XPC: variants seen among roughly 807,000 people sequenced by gnomAD.
The protein encoded by XPC is DNA repair protein complementing XP-C cells.
In XPC, 76 loss-of-function variants were observed where a neutral mutation model predicts 95.8. That is an observed-to-expected ratio of 0.79 (90% CI 0.66 to 0.96). The LOEUF (loss-of-function observed/expected upper bound fraction) is 0.96. XPC is among the 40% of genes least tolerant of loss of function. The probability of loss-of-function intolerance (pLI) is 0.00; values close to 1 mark genes in which losing one functional copy is unlikely to be tolerated. For synonymous variants in XPC, 442 were observed against 442.1 expected, an observed-to-expected ratio of 1.00 and a Z score of 0.00; for missense variants, 1,146 against 1,179.8, an observed-to-expected ratio of 0.97 and a Z score of 0.42.
intron 1 of XPC, among the ~76,000 whole-genome samples, chr3:14,173,557 AAACCTTTCCAATGT>A (rs1161792148): frequency 3.3e-5 from 5 of 152,210 alleles, no homozygotes; most frequent in African/African-American, 1.2e-4. Context: ...TACTGCTCTG[AAACCTTTCCAATGT>A]AACCCAAATG....
In XPC at chr3:14,158,651, TTCTCCTGCTTG is replaced by T. The variant is rs752463363; in HGVS notation, c.1221_1231del (p.Asp407GlufsTer21). ...GCCATGCGGACGTCGCTGGGTTGCC[TTCTCCTGCTTG>T]TCTCCTGGGCCCTCATCTTCCTCGC... On this transcript the variant is annotated frameshift_variant, in exon 9 of 16. Transcript: ENST00000285021. LOFTEE classifies it high-confidence loss of function. The surrounding 1 kb of genome is among the most constrained non-coding windows in gnomAD (Gnocchi z 5.2). 2.5e-6 allele frequency: 4 copies of T among 1,613,874 alleles called. No homozygotes were observed. Among genetic ancestry groups the T allele is most frequent in the Non-Finnish European group, 2.5e-6 (3 of 1,179,858 alleles).
At chr3:14,176,091 C>T (rs931638127) in intron 1 of XPC, among the ~76,000 whole-genome samples, 2 of 152,222 alleles carry the variant, frequency 1.3e-5, no homozygotes, top group East Asian at 1.9e-4. Context: ...GCAGTTATTA[C>T]ATTTCACAGA....
At position 14,145,463 on chromosome 3, in the gene XPC, G is replaced by A; in HGVS notation, c.*478C>T. ...AAGCCTGACTCAGGGGAAGGTAAGT[G>A]GCCTGCAGAGAAATGGTCCTAGGTC... On this transcript the variant is annotated 3_prime_UTR_variant, in exon 16 of 16. Coordinates refer to ENST00000285021, the MANE Select transcript of XPC (RefSeq NM_004628.5). 1 of 695,446 alleles carries A rather than the reference G, an allele frequency of 1.4e-6. No homozygotes were observed. 43.1% of individuals were successfully genotyped at this position (695,446 alleles called of 1,614,324 possible). A position where few individuals can be genotyped will look rare whatever the true frequency, so the allele number is the denominator to read the frequency against.
chr3:14,159,830 T>C lies in XPC; in HGVS notation c.901A>G (p.Ile301Val). 2 of 1,553,234 alleles carry C rather than the reference T, an allele frequency of 1.3e-6. No individual in the cohort carries two copies. Among genetic ancestry groups the C allele is most frequent in the Non-Finnish European group, 1.7e-6 (2 of 1,147,698 alleles). The change falls in exon 8 of 16, where the codon ATA becomes GTA. Residue 301 changes from isoleucine to valine, a missense_variant and splice_region_variant. Ile to Val is a conservative substitution (Grantham distance 29). Coordinates refer to ENST00000285021, the MANE Select transcript of XPC (RefSeq NM_004628.5). The part of the protein sequence containing the change: ...SARDDEELVH[I>V]FLLILRALQL... ...AGAGCCCGGAGAATCAGTAAGAATA[T>C]CTATGATGAAAAGGAAGAACATAGT...
chr3:14,148,133 G>A (rs1574949246), intron 13 of XPC, 132 bp from the exon 14 acceptor site: 1 of 740,700 alleles, frequency 1.4e-6, no homozygotes, highest in East Asian at 2.8e-5. Flanking sequence ...GGGTCAGCCA[G>A]TGTCCCACAT....
intron 11 of XPC, chr3:14,152,129 C>T: frequency 1.9e-6 from 1 of 526,776 alleles, no homozygotes. Context: ...TTTGGAAGAT[C>T]CATTTCTTAC....
intron 7 of XPC, among the ~76,000 whole-genome samples, chr3:14,162,010 G>C (rs892282207): frequency 6.6e-6 from 1 of 151,996 alleles, no homozygotes; most frequent in Admixed American, 6.6e-5. Context: ...CATTTGCAAT[G>C]AACAACCTAA....
chr3:14,177,714 T>C (rs1342452822), intron 1 of XPC, among the ~76,000 whole-genome samples: 1 of 151,786 alleles, frequency 6.6e-6, no homozygotes, highest in African/African-American at 2.4e-5. Context: ...GATTTTTTTT[T>C]TTTTTAAGAT....
Position 14,158,729 on chromosome 3 carries a change from C to G in XPC, c.1154G>C (p.Arg385Thr), listed in dbSNP as rs1159617852. ...GTCRPSAKGK[R>T]NKGGRKKRSK... ...CCGTTTCTTTCTGCCTCCCTTGTTC[C>G]TCTTCCCTTTGGCACTTGGCCTGCA... The change falls in exon 9 of 16, where the codon AGG becomes ACG. Residue 385 changes from arginine to threonine, a missense_variant. Physicochemically the swap from Arg to Thr is moderately conservative, Grantham distance 71. Coordinates refer to ENST00000285021, the MANE Select transcript of XPC (RefSeq NM_004628.5). The surrounding 1 kb of genome is among the most constrained non-coding windows in gnomAD (Gnocchi z 5.2). 1.2e-6 allele frequency: 2 copies of G among 1,613,760 alleles called. No homozygotes were observed. The highest frequency in any genetic ancestry group is 2.7e-5 in the African/African-American group (2 of 74,896).
rs933298672 is a variant in XPC at position 14,148,106 on chromosome 3, G to A, written c.2421-105C>T. 3.7e-5 allele frequency: 36 copies of A among 973,510 alleles called. No individual in the cohort carries two copies. In the African/African-American group the frequency reaches 4.8e-4, roughly 13 times the overall value. The allele number at this position is 973,510 out of a possible 1,614,324, so 60.3% of individuals were successfully genotyped here. On this transcript the variant is annotated intron_variant, in intron 13 of 15. Transcript: ENST00000285021. ...AGTGGGCCACATCTGAGCACTAGGG[G>A]TCCTGAAGGATGTCGCGGGTCAGCC... is the stretch of plus-strand genomic sequence containing the variant.
At chr3:14,152,676 T>C in intron 10 of XPC, 1 of 412,022 alleles carries the variant, frequency 2.4e-6, no homozygotes, top group East Asian at 4.7e-5. Context: ...CTCCCCTTCA[T>C]AGGTTTTCTT....
At chr3:14,154,726 G>C (rs1695831737) in intron 10 of XPC, among the ~76,000 whole-genome samples, 1 of 152,044 alleles carries the variant, frequency 6.6e-6, no homozygotes, top group Admixed American at 6.5e-5. Context: ...GTGATGGCTG[G>C]ATGACAGTGT....
chr3:14,154,962 G>A (rs1400153785), intron 10 of XPC, among the ~76,000 whole-genome samples: 5 of 152,114 alleles, frequency 3.3e-5, no homozygotes, highest in Non-Finnish European at 7.4e-5. Flanking sequence ...GCCTCTGGAC[G>A]ACGCCTGCAT....
At chr3:14,151,370 A>G (rs1695681962) in intron 11 of XPC, 1 of 152,244 alleles carries the variant, frequency 6.6e-6, no homozygotes, top group African/African-American at 2.4e-5. Context: ...GTAGCTACTA[A>G]AAAATTTAAA....
chr3:14,169,825 C>A (rs560642852), intron 3 of XPC, among the ~76,000 whole-genome samples: 2 of 152,170 alleles, frequency 1.3e-5, no homozygotes, highest in Non-Finnish European at 2.9e-5. Flanking sequence ...ACATATATTA[C>A]ATTTTTCACT....
chr3:14,159,102 T>C (rs1433002917), intron 8 of XPC, among the ~76,000 whole-genome samples: 1 of 152,138 alleles, frequency 6.6e-6, no homozygotes, highest in Non-Finnish European at 1.5e-5. Flanking sequence ...AAGGCCACAG[T>C]ATAATTCTTT....
At chr3:14,173,212 G>C in intron 1 of XPC, 150 bp from the exon 2 acceptor site, 1 of 696,568 alleles carries the variant, frequency 1.4e-6, no homozygotes, top group Non-Finnish European at 2.2e-6. Flanking sequence ...TCAGCAACCA[G>C]CTCTCAGCTT....
intron 3 of XPC, among the ~76,000 whole-genome samples, chr3:14,169,947 A>C (rs1237900726): frequency 6.6e-6 from 1 of 152,274 alleles, no homozygotes; most frequent in East Asian, 1.9e-4. Flanking sequence ...TGTATGATAC[A>C]TTAGGCCCAT....
rs778347566 is a variant in XPC, at chr3:14,172,910, T to C, written c.256A>G (p.Lys86Glu). Residue 86 changes from lysine (K) to glutamate (E), a missense_variant, in exon 2 of 16, where the codon AAG becomes GAG. By Grantham distance (56) the Lys-to-Glu change is moderately conservative. Transcript: ENST00000285021. Reference sequence around the variant, plus strand: ...CTGAGGGCTTCATCCTTTATAACCTTGAGGTTTTCAGATTTAACAGTCACC... The same window carrying C: ...CTGAGGGCTTCATCCTTTATAACCTCGAGGTTTTCAGATTTAACAGTCACC... Reference protein sequence around the residue: ...AKVTVKSENLKVIKDEALSDG... With the variant: ...AKVTVKSENLEVIKDEALSDG... 1 of 1,613,976 alleles carries C rather than the reference T, an allele frequency of 6.2e-7. No individual in the cohort carries two copies. The highest frequency in any genetic ancestry group is 1.3e-5 in the African/African-American group (1 of 75,058).
Sources: allele counts gnomAD v4.1 joint callset (sites outside exome capture counted in the v4.1 genomes callset), GRCh38; gene constraint gnomAD v4.1.1; non-coding constraint Gnocchi (gnomAD v3.1); transcripts MANE v1.5; gene names NCBI Gene and HGNC (gene_info 2026-07-23, HGNC 2026-07-21).